SLC25A48: variants seen among roughly 807,000 people sequenced by gnomAD.
The protein encoded by SLC25A48 is CTC-321K16.1.
A neutral mutation model predicts 32.2 loss-of-function variants in SLC25A48; 29 were observed. That is an observed-to-expected ratio of 0.90 (90% CI 0.67 to 1.23). The LOEUF (loss-of-function observed/expected upper bound fraction) is 1.23. SLC25A48 is among the 50% of genes most tolerant of loss of function. The pLI, the probability that SLC25A48 is intolerant of heterozygous loss-of-function variation, is 0.00. For synonymous variants in SLC25A48, 164 were observed against 172.3 expected (o/e 0.95, Z 0.38); for missense variants, 399 against 422.7 (o/e 0.94, Z 0.49).
In SLC25A48 at chr5:135,745,568, A is replaced by C. The variant is rs531917886; in HGVS notation, c.-520-66955A>C. On this transcript the variant is annotated intron_variant, in intron 3 of 10. Transcript: ENST00000646290. ...AAGGCCAGCGGGGGTGGTGGGAAGA[A>C]AAAAAAAGATTCTCCCCCTGCCTCC... 3.3e-5 allele frequency among the ~76,000 whole-genome samples: 5 copies of C among 152,162 alleles called. No individual in the cohort carries two copies. The East Asian group carries it at 9.7e-4, about 29-fold the overall frequency.
chr5:135,582,919 GT>G (rs1206131021), intron 1 of SLC25A48, among the ~76,000 whole-genome samples: 1 of 152,132 alleles, frequency 6.6e-6, no homozygotes, highest in African/African-American at 2.4e-5. Flanking sequence ...ACCGATTTTA[GT>G]TTATTCATTG....
chr5:135,713,480 A>G (rs1053184533), intron 3 of SLC25A48, among the ~76,000 whole-genome samples: 5 of 152,202 alleles, frequency 3.3e-5, no homozygotes, highest in Non-Finnish European at 7.3e-5. Flanking sequence ...TTAGTAGCTG[A>G]ACAAATGAAT....
intron 1 of SLC25A48, 68 bp downstream of exon 1, chr5:135,834,961 G>C: frequency 6.5e-7 from 1 of 1,540,558 alleles, no homozygotes; most frequent in Non-Finnish European, 8.8e-7. Context: ...TCTATGCTCT[G>C]AGGAAACTTT....
intron 3 of SLC25A48, among the ~76,000 whole-genome samples, chr5:135,777,972 A>G (rs1182400718): frequency 6.6e-6 from 1 of 151,824 alleles, no homozygotes; most frequent in Non-Finnish European, 1.5e-5. Context: ...TACTGCCAAT[A>G]TCGCAAATGG....
At chr5:135,755,271 A>C (rs1755868739) in intron 3 of SLC25A48, among the ~76,000 whole-genome samples, 1 of 152,134 alleles carries the variant, frequency 6.6e-6, no homozygotes, top group Admixed American at 6.6e-5. Flanking sequence ...GTTCACACAC[A>C]GTGTTTACAC....
intron 1 of SLC25A48, among the ~76,000 whole-genome samples, chr5:135,596,995 A>G (rs758649460): frequency 5.3e-5 from 8 of 152,298 alleles, no homozygotes; most frequent in Admixed American, 1.3e-4. Flanking sequence ...TCGTCTTTTG[A>G]AAAAAGAGCC....
chr5:135,705,753 G>A (rs905471791), intron 3 of SLC25A48, among the ~76,000 whole-genome samples: 5 of 152,198 alleles, frequency 3.3e-5, no homozygotes, highest in African/African-American at 1.2e-4. Flanking sequence ...CATCCACTCA[G>A]AAGAAATTTC....
At chr5:135,640,963 TTCTATTCAACATTTC>T (rs1192234965) in intron 3 of SLC25A48, among the ~76,000 whole-genome samples, 2 of 152,232 alleles carry the variant, frequency 1.3e-5, no homozygotes, top group African/African-American at 4.8e-5. Context: ...TACTCATCAT[TTCTATTCAACATTTC>T]GTTGGAAGTC....
chr5:135,641,102 A>G (rs1404747404), intron 3 of SLC25A48, among the ~76,000 whole-genome samples: 4 of 152,214 alleles, frequency 2.6e-5, no homozygotes, highest in Non-Finnish European at 4.4e-5. Flanking sequence ...TGAAGAATCT[A>G]CAGAAAAAAA....
At chr5:135,590,861 A>G (rs529152930) in intron 1 of SLC25A48, among the ~76,000 whole-genome samples, 1 of 152,360 alleles carries the variant, frequency 6.6e-6, no homozygotes, top group African/African-American at 2.4e-5. Flanking sequence ...TACAGACAAC[A>G]TCTCTTTGAG....
intron 3 of SLC25A48, among the ~76,000 whole-genome samples, chr5:135,748,884 A>G (rs1755704498): frequency 6.6e-6 from 1 of 151,780 alleles, no homozygotes; most frequent in South Asian, 2.1e-4. Flanking sequence ...ATGCCTGGCT[A>G]ATTTTTGTGT....
chr5:135,629,867 C>T lies in SLC25A48; in HGVS notation c.-709+491C>T, dbSNP rs1244874178. On this transcript the variant is annotated intron_variant, in intron 2 of 10. Transcript: ENST00000646290. This position sits in a 1 kb window ranked among gnomAD's most constrained non-coding sequence, Gnocchi z 4.8. Reference sequence around the variant, plus strand: ...GAGAAAACCCTAGGGCAGAAACTATCAAGAACTTGCCGAAAGTAGTTGGAA... The same window carrying T: ...GAGAAAACCCTAGGGCAGAAACTATTAAGAACTTGCCGAAAGTAGTTGGAA... Among the ~76,000 whole-genome samples the T allele has an allele frequency of 2.0e-5, 3 of 152,188 alleles. No homozygotes were observed. The highest frequency in any genetic ancestry group is 7.2e-5 in the African/African-American group (3 of 41,446).
intron 6 of SLC25A48, among the ~76,000 whole-genome samples, chr5:135,878,901 T>C (rs1762239326): frequency 6.6e-6 from 1 of 152,218 alleles, no homozygotes; most frequent in Non-Finnish European, 1.5e-5. Flanking sequence ...AAAGCTTTTA[T>C]CTGCTCTCAT....
chr5:135,695,619 G>C (rs1252702974), intron 3 of SLC25A48, among the ~76,000 whole-genome samples: 1 of 151,852 alleles, frequency 6.6e-6, no homozygotes, highest in Non-Finnish European at 1.5e-5. Flanking sequence ...CCACCCACAG[G>C]GGTCTCTCTC....
chr5:135,811,459 A>T (rs1486388477), intron 3 of SLC25A48, among the ~76,000 whole-genome samples: 1 of 152,202 alleles, frequency 6.6e-6, no homozygotes, highest in African/African-American at 2.4e-5. Flanking sequence ...ACAAAATTTC[A>T]GTTCGTCAGG....
intron 3 of SLC25A48, among the ~76,000 whole-genome samples, chr5:135,790,454 T>G (rs1303621357): frequency 6.6e-6 from 1 of 151,744 alleles, no homozygotes; most frequent in Non-Finnish European, 1.5e-5. Flanking sequence ...TCCTGTTTTA[T>G]TATTTATAAT....
intron 3 of SLC25A48, among the ~76,000 whole-genome samples, chr5:135,685,214 A>G (rs768087403): frequency 5.3e-5 from 8 of 151,786 alleles, no homozygotes; most frequent in Admixed American, 1.3e-4. Context: ...TTTTTCTGCA[A>G]ACTTTTTGAT....
chr5:135,835,682 A>G (rs1280140791), intron 1 of SLC25A48, among the ~76,000 whole-genome samples: 1 of 148,888 alleles, frequency 6.7e-6, no homozygotes, highest in Non-Finnish European at 1.5e-5. Context: ...TAATTGTAAA[A>G]AAAAAAAAAA....
chr5:135,693,104 T>C (rs2126959695), intron 3 of SLC25A48, among the ~76,000 whole-genome samples: 1 of 152,352 alleles, frequency 6.6e-6, no homozygotes, highest in South Asian at 2.1e-4. Context: ...TTGATTCTAT[T>C]TGTGAGTGGA....
Sources: gnomAD v4.1 joint callset for allele counts (sites outside exome capture counted in the v4.1 genomes callset) on GRCh38, gnomAD v4.1.1 for gene constraint, Gnocchi (gnomAD v3.1) non-coding constraint, MANE v1.5 for transcripts, NCBI Gene and HGNC (gene_info 2026-07-23, HGNC 2026-07-21) for gene names.